Variants in SNX18 observed in about 807,000 individuals in gnomAD.
The protein encoded by SNX18 is sorting nexin 18.
A neutral mutation model predicts 48.7 loss-of-function variants in SNX18; 35 were observed. The observed-to-expected ratio is 0.72, with a 90% confidence interval of 0.55 to 0.95. The LOEUF is 0.95. SNX18 is among the 40% of genes least tolerant of loss of function. The probability of loss-of-function intolerance (pLI) is 0.00; values close to 1 mark genes in which losing one functional copy is unlikely to be tolerated. For synonymous variants in SNX18, 492 were observed against 384.7 expected (o/e 1.28, Z -3.26); for missense variants, 824 against 871.0 (o/e 0.95, Z 0.68).
At chr5:54,611,165 C>A in the SNX18 span, among the ~76,000 whole-genome samples, 1 of 152,140 alleles carries the variant, frequency 6.6e-6, no homozygotes, top group African/African-American at 2.4e-5. Flanking sequence ...CAGTCTCAGG[C>A]TGCTGCTAGT....
intron 1 of SNX18, chr5:54,519,821 G>A: frequency 1.9e-6 from 3 of 1,605,796 alleles, no homozygotes; most frequent in Non-Finnish European, 2.6e-6. Flanking sequence ...TACCTTTGAT[G>A]ACAGTGCTAT....
intron 1 of SNX18, among the ~76,000 whole-genome samples, chr5:54,542,256 G>A (rs759189287): frequency 2.0e-5 from 3 of 152,094 alleles, no homozygotes; most frequent in South Asian, 2.1e-4. Context: ...GAGGGCCTGC[G>A]TTCGTATGGC....
the SNX18 span, among the ~76,000 whole-genome samples, chr5:54,637,422 A>AT: frequency 1.8e-4 from 28 of 152,212 alleles, no homozygotes; most frequent in African/African-American, 5.8e-4. Context: ...ATTTTCAGAT[A>AT]TTTTATTAGT....
chr5:54,633,812 A>T, the SNX18 span, among the ~76,000 whole-genome samples: 28 of 152,204 alleles, frequency 1.8e-4, no homozygotes, highest in Non-Finnish European at 4.0e-4. Context: ...ATAGTAAGCC[A>T]TGTTCTTTTA....
At chr5:54,529,660 G>A (rs1218148758) in intron 1 of SNX18, among the ~76,000 whole-genome samples, 3 of 151,678 alleles carry the variant, frequency 2.0e-5, no homozygotes, top group Non-Finnish European at 4.4e-5. Context: ...ATTCAGAAGC[G>A]ATACATTGTC....
At chr5:54,592,524 T>C in the SNX18 span, among the ~76,000 whole-genome samples, 1 of 152,194 alleles carries the variant, frequency 6.6e-6, no homozygotes, top group Non-Finnish European at 1.5e-5. Context: ...GTAAAATTAC[T>C]GAGATGATGA....
the SNX18 span, among the ~76,000 whole-genome samples, chr5:54,626,959 G>A: frequency 6.6e-6 from 1 of 152,218 alleles, no homozygotes; most frequent in African/African-American, 2.4e-5. Flanking sequence ...GGGCCCTAAG[G>A]CTTGGAAGAT....
At position 54,519,137 on chromosome 5, in the gene SNX18, G is replaced by A; in HGVS notation, c.1185G>A (p.Arg395=). The change falls in exon 1 of 2, where the codon AGG becomes AGA. Residue 395 remains arginine (R), a synonymous_variant. Coordinates refer to ENST00000381410, the MANE Select transcript of SNX18 (RefSeq NM_001102575.2). ...AGAAAGCCTGGAAGCAGGGCAAGAG[G>A]AAGGCCGAGAAGGACGAGATGGTGG... ...TDEKAWKQGK[R]KAEKDEMVGA... is the part of the protein sequence containing the mutation. The A allele has an allele frequency of 1.9e-6, 3 of 1,614,086 alleles. No individual in the cohort carries two copies. Among genetic ancestry groups the A allele is most frequent in the African/African-American group, 1.3e-5 (1 of 75,046 alleles).
chr5:54,586,763 A>AGCTTGCTGGAT, the SNX18 span, among the ~76,000 whole-genome samples: 1 of 152,188 alleles, frequency 6.6e-6, no homozygotes, highest in Non-Finnish European at 1.5e-5. Context: ...TTCAGACCAT[A>AGCTTGCTGGAT]CATAGTAGGA....
chr5:54,641,120 C>T, the SNX18 span, among the ~76,000 whole-genome samples: 1 of 152,040 alleles, frequency 6.6e-6, no homozygotes, highest in Non-Finnish European at 1.5e-5. Context: ...TGACATGGTC[C>T]CGTAACTCTG....
intron 1 of SNX18, among the ~76,000 whole-genome samples, chr5:54,525,469 G>T (rs1258640431): frequency 6.6e-6 from 1 of 152,064 alleles, no homozygotes; most frequent in African/African-American, 2.4e-5. Context: ...CACCAGAATT[G>T]TAGGCAAAAG....
the SNX18 span, among the ~76,000 whole-genome samples, chr5:54,565,774 C>T: frequency 0.25 from 37,911 of 152,026 alleles, 5,152 homozygotes; most frequent in Middle Eastern, 0.37. Flanking sequence ...GGTTGGAAAG[C>T]TGGGGATGGA....
Position 54,519,104 on chromosome 5 carries a change from C to A in SNX18, c.1152C>A (p.Ser384Arg). ...AGCACTTCCTGACGTGCCCCAGCAG[C>A]ACCGACGAGAAAGCCTGGAAGCAGG... ...VFQHFLTCPSSTDEKAWKQGK... is the reference protein window; with the variant it reads ...VFQHFLTCPSRTDEKAWKQGK... Residue 384 changes from serine to arginine, a missense_variant, in exon 1 of 2, where the codon AGC becomes AGA. Physicochemically the swap from Ser to Arg is moderately radical, Grantham distance 110. Transcript: ENST00000381410. The A allele has an allele frequency of 1.2e-6, 2 of 1,614,096 alleles. No individual in the cohort carries two copies. The highest frequency in any genetic ancestry group is 1.7e-6 in the Non-Finnish European group (2 of 1,180,020).
rs763198102 is a variant in SNX18, at chr5:54,518,230, C to G, written c.278C>G (p.Pro93Arg). Residue 93 changes from proline to arginine, a missense_variant, in exon 1 of 2, where the codon CCC (proline) becomes CGC (arginine). Pro to Arg is a moderately radical substitution (Grantham distance 103). Around this residue, in one of 3 missense-constraint regions of SNX18, gnomAD observed 377 missense variants for 350.6 expected, o/e 1.08. Coordinates refer to ENST00000381410, the MANE Select transcript of SNX18 (RefSeq NM_001102575.2). Reference protein sequence around the residue: ...PGGFEPLPVAPPASFKPPPDA... With the variant: ...PGGFEPLPVARPASFKPPPDA... ...GGCTTCGAGCCCCTGCCTGTCGCGC[C>G]CCCCGCCTCCTTCAAGCCGCCGCCT... 5 of 1,426,286 alleles carry G rather than the reference C, an allele frequency of 3.5e-6. No homozygotes were observed. The African/African-American group carries it at 6.0e-5, about 17-fold the overall frequency. 88.4% of individuals were successfully genotyped at this position (1,426,286 alleles called of 1,614,324 possible).
chr5:54,638,147 T>C, the SNX18 span, among the ~76,000 whole-genome samples: 1 of 152,266 alleles, frequency 6.6e-6, no homozygotes, highest in Non-Finnish European at 1.5e-5. Flanking sequence ...AAGCTTTCTT[T>C]AACAATGGCT....
the SNX18 span, among the ~76,000 whole-genome samples, chr5:54,563,273 T>A: frequency 6.6e-6 from 1 of 152,208 alleles, no homozygotes; most frequent in Non-Finnish European, 1.5e-5. Flanking sequence ...TTACATTCAC[T>A]CACTATTCAC....
At chr5:54,601,480 G>T in the SNX18 span, among the ~76,000 whole-genome samples, 1 of 152,208 alleles carries the variant, frequency 6.6e-6, no homozygotes, top group East Asian at 1.9e-4. Flanking sequence ...GCTTGCTTTG[G>T]TACATCCTGG....
intron 1 of SNX18, among the ~76,000 whole-genome samples, chr5:54,531,794 G>A (rs926812384): frequency 6.6e-6 from 1 of 152,188 alleles, no homozygotes; most frequent in African/African-American, 2.4e-5. Flanking sequence ...ACAGCCTCGT[G>A]ATCGTGAAGG....
the SNX18 span, among the ~76,000 whole-genome samples, chr5:54,567,148 C>T: frequency 2.6e-5 from 4 of 151,988 alleles, no homozygotes; most frequent in African/African-American, 7.3e-5. Context: ...GCAAAGGTGA[C>T]TTTGTCATTA....
Sources: gnomAD v4.1 joint callset for allele counts (sites outside exome capture counted in the v4.1 genomes callset) on GRCh38, gnomAD v4.1.1 for gene constraint, gnomAD v4.1.1 regional missense constraint, MANE v1.5 for transcripts, NCBI Gene and HGNC (gene_info 2026-07-23, HGNC 2026-07-21) for gene names.